Variants in ILDR2 observed in about 807,000 individuals in gnomAD.
ILDR2 encodes the protein immunoglobulin like domain containing receptor 2, also known as immunoglobulin-like domain-containing receptor 2.
ILDR2 carries 25 observed loss-of-function variants against 66.8 expected under a neutral mutation model. The ratio of observed to expected loss-of-function variants is 0.37; its 90% CI spans 0.27 to 0.52. ILDR2 has a LOEUF of 0.52. Among genes scored for constraint, ILDR2 ranks in the 20% least tolerant of loss-of-function variants. The pLI is 0.88. For synonymous variants in ILDR2, 367 were observed against 357.2 expected (o/e 1.03, Z -0.31); for missense variants, 827 against 876.8 (o/e 0.94, Z 0.72).
rs1251014663 is a variant in ILDR2, at chr1:166,946,098, T to A, written c.500-6528A>T. On this transcript the variant is annotated intron_variant, in intron 3 of 9. Transcript: ENST00000271417. ...AACAGATGCCTTTCTCTGGCCCTTT[T>A]AAATGTAAAGATGTTTCTATGGCTA... Among the ~76,000 whole-genome samples the A allele has an allele frequency of 3.3e-5, 5 of 152,364 alleles. No individual in the cohort carries two copies. The East Asian group carries it at 7.7e-4, about 23-fold the overall frequency.
intron 1 of ILDR2, among the ~76,000 whole-genome samples, chr1:166,969,488 A>G (rs1663153855): frequency 6.6e-6 from 1 of 152,240 alleles, no homozygotes; most frequent in Admixed American, 6.5e-5. Context: ...CTGAGAGCAC[A>G]GCAGCAGCCC....
intron 1 of ILDR2, among the ~76,000 whole-genome samples, chr1:166,966,170 G>C (rs531757782): frequency 6.6e-6 from 1 of 151,928 alleles, no homozygotes; most frequent in Non-Finnish European, 1.5e-5. Context: ...GCTTTACCAA[G>C]AATAGTAGAC....
chr1:166,965,980 A>G (rs1386779645), intron 1 of ILDR2, among the ~76,000 whole-genome samples: 1 of 152,174 alleles, frequency 6.6e-6, no homozygotes, highest in African/African-American at 2.4e-5. Flanking sequence ...AAGCTTGTTC[A>G]GCCCTTAGTA....
intron 1 of ILDR2, among the ~76,000 whole-genome samples, chr1:166,974,763 A>C (rs1159886269): frequency 6.6e-6 from 1 of 152,130 alleles, no homozygotes; most frequent in East Asian, 1.9e-4. Flanking sequence ...TAGGGAAGAA[A>C]TTAAGGAGAC....
At chr1:166,973,606 G>GCCCCC (rs1663429164) in intron 1 of ILDR2, among the ~76,000 whole-genome samples, 1 of 89,546 alleles carries the variant, frequency 1.1e-5, no homozygotes, top group Non-Finnish European at 2.2e-5. Context: ...CTGACTCAGG[G>GCCCCC]ACCCCTCCCC....
chr1:166,927,518 T>C (rs1412426106), intron 6 of ILDR2, among the ~76,000 whole-genome samples: 1 of 152,228 alleles, frequency 6.6e-6, no homozygotes, highest in Non-Finnish European at 1.5e-5. Context: ...TGGAGGAGCA[T>C]ATTCACACTA....
intron 6 of ILDR2, among the ~76,000 whole-genome samples, chr1:166,929,183 A>G (rs1020614678): frequency 1.3e-5 from 2 of 152,224 alleles, no homozygotes; most frequent in South Asian, 2.1e-4. Context: ...ATAAAATGCA[A>G]TGAATACTTG....
intron 9 of ILDR2, among the ~76,000 whole-genome samples, chr1:166,919,725 G>A (rs1027311963): frequency 6.6e-6 from 1 of 152,142 alleles, no homozygotes; most frequent in Non-Finnish European, 1.5e-5. Context: ...TAGTACTTTG[G>A]TTATTGCATT....
chr1:166,960,292 A>G (rs540177261), intron 1 of ILDR2, among the ~76,000 whole-genome samples: 2 of 152,234 alleles, frequency 1.3e-5, no homozygotes, highest in Non-Finnish European at 2.9e-5. Context: ...AGAATAAATG[A>G]AGAAATGTAT....
chr1:166,957,715 G>A, intron 2 of ILDR2, 54 bp downstream of exon 2: 1 of 1,454,712 alleles, frequency 6.9e-7, no homozygotes, highest in Non-Finnish European at 9.5e-7. Flanking sequence ...GGGAAGGGAA[G>A]AATGAAACTA....
rs1663534217 is a variant in ILDR2, at chr1:166,975,394, A to T, written c.-126T>A. 6 of 409,336 alleles carry T rather than the reference A, an allele frequency of 1.5e-5. No individual in the cohort carries two copies. The highest frequency in any genetic ancestry group is 1.3e-5 in the Non-Finnish European group (4 of 298,944). The allele number at this position is 409,336 out of a possible 1,614,324, so 25.4% of individuals were successfully genotyped here. ...GCGGGCACCGGGCGTCCCTGGGCGC[A>T]GCGCCCGCCGGGCCGGCCGCGCAGG... is the stretch of plus-strand genomic sequence containing the variant. On this transcript the variant is annotated 5_prime_UTR_variant, in exon 1 of 10. Transcript: ENST00000271417.
intron 4 of ILDR2, among the ~76,000 whole-genome samples, chr1:166,938,046 A>T (rs1259253986): frequency 3.3e-5 from 5 of 152,180 alleles, no homozygotes; most frequent in African/African-American, 1.2e-4. Context: ...CTCCTCACTA[A>T]TCTTTCTGAA....
At chr1:166,924,292 T>A (rs1660142716) in intron 7 of ILDR2, among the ~76,000 whole-genome samples, 2 of 152,228 alleles carry the variant, frequency 1.3e-5, no homozygotes, top group African/African-American at 2.4e-5. Flanking sequence ...TGAATTCCAG[T>A]ATCCCAGGGA....
Position 166,916,934 on chromosome 1 carries a change from C to G in ILDR2, c.*2421G>C, listed in dbSNP as rs1271155221. ...TCTCTGCAGCTGGTGCTATGAGGCT[C>G]TTTGGTGGTGAAAAGCCTGACACAG... On this transcript the variant is annotated 3_prime_UTR_variant, in exon 10 of 10. Coordinates refer to ENST00000271417, the MANE Select transcript of ILDR2 (RefSeq NM_199351.3). 2 of 152,198 alleles carry G rather than the reference C, an allele frequency of 1.3e-5. No individual in the cohort carries two copies. The highest frequency in any genetic ancestry group is 2.9e-5 in the Non-Finnish European group (2 of 68,042). 9.4% of individuals were successfully genotyped at this position (152,198 alleles called of 1,614,324 possible).
chr1:166,933,180 G>A (rs1168063253), intron 6 of ILDR2, among the ~76,000 whole-genome samples: 3 of 152,244 alleles, frequency 2.0e-5, no homozygotes, highest in Non-Finnish European at 4.4e-5. Flanking sequence ...CCTAAGAGGT[G>A]CATCTTGAGT....
chr1:166,926,059 A>G (rs1207626851), intron 7 of ILDR2, among the ~76,000 whole-genome samples: 3 of 152,250 alleles, frequency 2.0e-5, no homozygotes, highest in Non-Finnish European at 4.4e-5. Flanking sequence ...GGATACAGCA[A>G]TGGATACAAC....
At chr1:166,901,211 G>A (rs546278374) in intron 2 of ILDR2, among the ~76,000 whole-genome samples, 2 of 152,232 alleles carry the variant, frequency 1.3e-5, no homozygotes, top group South Asian at 2.1e-4. Flanking sequence ...CACATTCCCC[G>A]AGTTTCTCAG....
chr1:166,915,027 C>T lies in ILDR2; in HGVS notation c.*4328G>A, dbSNP rs976898599. 6.6e-6 allele frequency: 1 copy of T among 152,144 alleles called. No individual in the cohort carries two copies. Among genetic ancestry groups the T allele is most frequent in the African/African-American group, 2.4e-5 (1 of 41,430 alleles). 9.4% of individuals were successfully genotyped at this position (152,144 alleles called of 1,614,324 possible). ...TCTATTTCCCCAATGGCATCTTTTC[C>T]TTCTATTCATGATTTAAGTTTTGCT... On this transcript the variant is annotated 3_prime_UTR_variant, in exon 10 of 10. Transcript: ENST00000271417.
chr1:166,902,139 C>T (rs1331447393), intron 2 of ILDR2, among the ~76,000 whole-genome samples: 1 of 152,246 alleles, frequency 6.6e-6, no homozygotes, highest in Non-Finnish European at 1.5e-5. Flanking sequence ...GGATTAGAGG[C>T]ATGAGCCACC....
Sources: gnomAD v4.1 joint callset for allele counts (sites outside exome capture counted in the v4.1 genomes callset) on GRCh38, gnomAD v4.1.1 for gene constraint, MANE v1.5 for transcripts, NCBI Gene and HGNC (gene_info 2026-07-23, HGNC 2026-07-21) for gene names.